The following WNT11 variants were observed in gnomAD, a reference collection of about 807,000 sequenced individuals.
The protein encoded by WNT11 is protein Wnt-11.
Under a neutral mutation model 35.6 loss-of-function variants are expected in WNT11, and 20 were observed. The ratio of observed to expected loss-of-function variants is 0.56; its 90% CI spans 0.40 to 0.82. The LOEUF is 0.82. Ranked by LOEUF, WNT11 falls within the 40% of genes least tolerant of loss-of-function variation. The pLI is 0.00. For missense variants in WNT11, 459 were observed against 504.4 expected, an observed-to-expected ratio of 0.91 and a Z score of 0.86; for synonymous variants, 200 against 211.9, an observed-to-expected ratio of 0.94 and a Z score of 0.49.
intron 1 of WNT11, 29 bp from the exon 2 acceptor site, chr11:76,196,747 T>C (rs748052762): frequency 6.4e-7 from 1 of 1,555,218 alleles, no homozygotes; most frequent in African/African-American, 1.4e-5. Context: ...CCATGACCGA[T>C]GGAAGGAGAG....
Position 76,191,704 on chromosome 11 carries a change from T to C in WNT11, c.750A>G (p.Arg250=), listed in dbSNP as rs1270162620. 2 of 1,613,814 alleles carry C rather than the reference T, an allele frequency of 1.2e-6. No individual in the cohort carries two copies. The highest frequency in any genetic ancestry group is 1.7e-6 in the Non-Finnish European group (2 of 1,180,010). ...RYLSATKVVH[R]PMGTRKHLVP... The stretch of plus-strand genomic sequence containing the variant: ...CCAGGTGCTTGCGGGTGCCCATGGG[T>C]CGGTGCACTACCTTGGTGGCCGACA... Residue 250 remains arginine (R), a synonymous_variant, in exon 4 of 5, where the codon CGA becomes CGG. Coordinates refer to ENST00000322563, the MANE Select transcript of WNT11 (RefSeq NM_004626.3).
chr11:76,210,444 C>A (rs910710646), upstream of WNT11: 19 of 985,184 alleles, frequency 1.9e-5, no homozygotes, highest in South Asian at 2.8e-4. Flanking sequence ...CGCTGAGCGG[C>A]TGCCCGCTGC....
intron 4 of WNT11, among the ~76,000 whole-genome samples, chr11:76,188,901 G>T (rs1953135707): frequency 1.3e-5 from 2 of 152,268 alleles, no homozygotes; most frequent in South Asian, 4.1e-4. Flanking sequence ...CAGATGGAAG[G>T]GGAGGGCTGG....
intron 1 of WNT11, among the ~76,000 whole-genome samples, chr11:76,201,269 A>G (rs1368458210): frequency 6.6e-6 from 1 of 152,224 alleles, no homozygotes; most frequent in African/African-American, 2.4e-5. Flanking sequence ...TGACGCTGGG[A>G]CAGGAGCAGG....
intron 1 of WNT11, 34 bp from the exon 2 acceptor site, chr11:76,196,752 GGA>G: frequency 6.5e-7 from 1 of 1,545,642 alleles, no homozygotes; most frequent in Middle Eastern, 2.2e-4. Flanking sequence ...ACCGATGGAA[GGA>G]GAGACAGGGT....
chr11:76,206,747 G>A (rs1221299885), upstream of WNT11: 10 of 180,896 alleles, frequency 5.5e-5, no homozygotes, highest in Admixed American at 7.2e-4. Context: ...CAGCCGGAAG[G>A]AGGGACAGGA....
upstream of WNT11, among the ~76,000 whole-genome samples, chr11:76,208,825 C>G (rs923932761): frequency 6.6e-6 from 1 of 152,214 alleles, no homozygotes; most frequent in African/African-American, 2.4e-5. Flanking sequence ...CAGCGCCTGG[C>G]CCGAGCCTCT....
At position 76,186,938 on chromosome 11, in the gene WNT11, C is replaced by G; in HGVS notation, c.*127G>C. On this transcript the variant is annotated 3_prime_UTR_variant, in exon 5 of 5. Transcript: ENST00000322563. ...TTCCAAGTGAAGGCAAAGCACAAGC[C>G]GCCTCCCATGCCTGGCATCTGGAAT... 6.9e-7 allele frequency: 1 copy of G among 1,442,730 alleles called. No homozygotes were observed. The highest frequency in any genetic ancestry group is 9.4e-7 in the Non-Finnish European group (1 of 1,058,618). 89.4% of individuals were successfully genotyped at this position (1,442,730 alleles called of 1,614,324 possible). A position where few individuals can be genotyped will look rare whatever the true frequency, so the allele number is the denominator to read the frequency against.
chr11:76,192,447 C>G (rs777497851), intron 3 of WNT11, among the ~76,000 whole-genome samples: 3 of 151,438 alleles, frequency 2.0e-5, no homozygotes, highest in Admixed American at 6.5e-5. Context: ...GCTGACTTTC[C>G]CCCCACTGCC....
chr11:76,190,419 C>T (rs1294234178), intron 4 of WNT11, among the ~76,000 whole-genome samples: 4 of 152,068 alleles, frequency 2.6e-5, no homozygotes, highest in African/African-American at 4.8e-5. Context: ...TTCCCTCTGC[C>T]GACCCCCTCA....
intron 4 of WNT11, among the ~76,000 whole-genome samples, chr11:76,187,883 C>A (rs1953122527): frequency 6.6e-6 from 1 of 150,858 alleles, no homozygotes; most frequent in African/African-American, 2.4e-5. Context: ...TTATGTGTAA[C>A]CTTTTACAGA....
chr11:76,194,870 C>T lies in WNT11; in HGVS notation c.320-26G>A, dbSNP rs573220393. On this transcript the variant is annotated intron_variant, in intron 2 of 4. Transcript: ENST00000322563. The surrounding 1 kb of genome is among the most constrained non-coding windows in gnomAD (Gnocchi z 5.4). The stretch of plus-strand genomic sequence containing the variant: ...CTGAGGGTGGGAGGGGAAGGTCAGC[C>T]GACGCTGATCCAGGGCTAGGACCCT... 2.6e-5 allele frequency: 39 copies of T among 1,473,756 alleles called. No homozygotes were observed. Among genetic ancestry groups the T allele is most frequent in the East Asian group, 4.9e-5 (2 of 40,844 alleles). 91.3% of individuals were successfully genotyped at this position (1,473,756 alleles called of 1,614,324 possible).
chr11:76,207,347 G>A (rs1465775512), upstream of WNT11, among the ~76,000 whole-genome samples: 1 of 152,208 alleles, frequency 6.6e-6, no homozygotes, highest in Non-Finnish European at 1.5e-5. Context: ...TGGGCGACAA[G>A]AGCGAAACTC....
At chr11:76,201,375 C>T (rs140865202) in intron 1 of WNT11, among the ~76,000 whole-genome samples, 2 of 152,326 alleles carry the variant, frequency 1.3e-5, no homozygotes, top group Non-Finnish European at 2.9e-5. Context: ...GAGGGCCATG[C>T]GGTCATCTGG....
chr11:76,203,468 G>A (rs567614295), intron 1 of WNT11, among the ~76,000 whole-genome samples: 2 of 152,206 alleles, frequency 1.3e-5, no homozygotes, highest in Non-Finnish European at 2.9e-5. Flanking sequence ...TGGTTCACAG[G>A]AGAGTGGGAC....
intron 4 of WNT11, among the ~76,000 whole-genome samples, chr11:76,190,302 C>T (rs914156838): frequency 1.3e-5 from 2 of 152,142 alleles, no homozygotes; most frequent in Non-Finnish European, 2.9e-5. Context: ...CCGTGGGCCT[C>T]CTGCAGCCCT....
chr11:76,195,757 C>T lies in WNT11; in HGVS notation c.319+726G>A, dbSNP rs542043565. Among the ~76,000 whole-genome samples the T allele has an allele frequency of 2.0e-5, 3 of 152,320 alleles. No homozygotes were observed. The South Asian group carries it at 6.2e-4, about 32-fold the overall frequency. ...ACTTTCCCTTCTCCAGCCTCAGTTT[C>T]CTTAACTGTAGAATACGGGTGATAA... On this transcript the variant is annotated intron_variant, in intron 2 of 4. Transcript: ENST00000322563.
At position 76,187,027 on chromosome 11, in the gene WNT11, C is replaced by G; in HGVS notation, c.*38G>C. ...GCCCCAGTTGCTGAGGGTCCTTGAG[C>G]AGAGTCCTCGCTCCTGCGTGGGGCG... On this transcript the variant is annotated 3_prime_UTR_variant, in exon 5 of 5. Coordinates refer to ENST00000322563, the MANE Select transcript of WNT11 (RefSeq NM_004626.3). 2 of 1,604,156 alleles carry G rather than the reference C, an allele frequency of 1.2e-6. No homozygotes were observed. Among genetic ancestry groups the G allele is most frequent in the Non-Finnish European group, 8.5e-7 (1 of 1,179,634 alleles).
chr11:76,196,362 C>T, intron 2 of WNT11, 121 bp downstream of exon 2: 1 of 1,143,634 alleles, frequency 8.7e-7, no homozygotes, highest in East Asian at 2.4e-5. Context: ...ACCCGTCATT[C>T]ATCCATGAAT....
Sources: gnomAD v4.1 joint callset for allele counts (sites outside exome capture counted in the v4.1 genomes callset) on GRCh38, gnomAD v4.1.1 for gene constraint, Gnocchi (gnomAD v3.1) non-coding constraint, MANE v1.5 for transcripts, NCBI Gene and HGNC (gene_info 2026-07-23, HGNC 2026-07-21) for gene names.